PTPRN2: variants seen among roughly 807,000 people sequenced by gnomAD.
PTPRN2 encodes the protein protein tyrosine phosphatase receptor type N2, also known as receptor-type tyrosine-protein phosphatase N2.
PTPRN2 carries 74 observed loss-of-function variants against 118.8 expected under a neutral mutation model. That is an observed-to-expected ratio of 0.62 (90% CI 0.52 to 0.76). The LOEUF (loss-of-function observed/expected upper bound fraction) is 0.76. Ranked by LOEUF, PTPRN2 falls within the 30% of genes least tolerant of loss-of-function variation. The pLI, the probability that PTPRN2 is intolerant of heterozygous loss-of-function variation, is 0.00. For synonymous variants in PTPRN2, 641 were observed against 608.0 expected, an observed-to-expected ratio of 1.05 and a Z score of -0.80; for missense variants, 1,481 against 1,394.4, an observed-to-expected ratio of 1.06 and a Z score of -0.99.
At chr7:157,985,026 G>C (rs1803666730) in intron 11 of PTPRN2, among the ~76,000 whole-genome samples, 1 of 152,126 alleles carries the variant, frequency 6.6e-6, no homozygotes, top group African/African-American at 2.4e-5. Context: ...TGCAGGTGGT[G>C]GTCTCTAGCA....
chr7:158,566,262 G>A (rs1324696344), intron 1 of PTPRN2, among the ~76,000 whole-genome samples: 6 of 151,952 alleles, frequency 3.9e-5, no homozygotes, highest in Admixed American at 2.6e-4. Flanking sequence ...ACTGAGGCAG[G>A]AGAATTGCTT....
chr7:158,553,403 C>T (rs1280712346), intron 1 of PTPRN2, among the ~76,000 whole-genome samples: 3 of 150,222 alleles, frequency 2.0e-5, no homozygotes, highest in African/African-American at 7.4e-5. Flanking sequence ...CCAGCCTCCC[C>T]TTATACACAC....
chr7:157,623,879 A>AT (rs1011265497), intron 14 of PTPRN2, among the ~76,000 whole-genome samples: 11 of 152,164 alleles, frequency 7.2e-5, no homozygotes, highest in African/African-American at 2.7e-4. Context: ...TTCTATCAAT[A>AT]TTTTTTATGA....
chr7:158,048,067 T>C lies in PTPRN2; in HGVS notation c.1723+33231A>G, dbSNP rs980077400. Among the ~76,000 whole-genome samples the C allele has an allele frequency of 3.9e-5, 6 of 152,172 alleles. No homozygotes were observed. The South Asian group carries it at 8.3e-4, about 21-fold the overall frequency. On this transcript the variant is annotated intron_variant, in intron 11 of 22. Transcript: ENST00000389418. ...ATCGAAGGTGGCCAAGAATGGTGCA[T>C]ACACACTTTCTTCTAAGGACACTTT...
chr7:157,705,178 C>A (rs779079001), intron 12 of PTPRN2, among the ~76,000 whole-genome samples: 1 of 152,114 alleles, frequency 6.6e-6, no homozygotes, highest in Non-Finnish European at 1.5e-5. Flanking sequence ...TGGTGGCATG[C>A]GCCTGTAGTC....
intron 3 of PTPRN2, among the ~76,000 whole-genome samples, chr7:158,259,125 G>A (rs1267071862): frequency 6.6e-6 from 1 of 152,216 alleles, no homozygotes; most frequent in East Asian, 1.9e-4. Context: ...TCTCTTGAGT[G>A]AGAGCTCAGT....
intron 21 of PTPRN2, among the ~76,000 whole-genome samples, chr7:157,566,227 G>T (rs1333519044): frequency 6.6e-6 from 1 of 152,250 alleles, no homozygotes; most frequent in African/African-American, 2.4e-5. Context: ...GGGAAGCTTG[G>T]GAAGGGCATT....
At chr7:158,086,658 G>T (rs1165477728) in intron 10 of PTPRN2, among the ~76,000 whole-genome samples, 1 of 152,182 alleles carries the variant, frequency 6.6e-6, no homozygotes, top group African/African-American at 2.4e-5. Context: ...GAGGAGCCTT[G>T]TTTTACAGTA....
chr7:158,377,891 A>C (rs369085771), intron 2 of PTPRN2, among the ~76,000 whole-genome samples: 30 of 152,296 alleles, frequency 2.0e-4, no homozygotes, highest in African/African-American at 7.0e-4. Context: ...GCCCGTGGCT[A>C]CAACACAGAC....
chr7:157,952,611 A>C (rs1800908321), intron 11 of PTPRN2, among the ~76,000 whole-genome samples: 1 of 151,980 alleles, frequency 6.6e-6, no homozygotes, highest in Non-Finnish European at 1.5e-5. Flanking sequence ...CCATCATCTC[A>C]TCTCACGCCA....
chr7:157,831,739 C>A lies in PTPRN2; in HGVS notation c.1788+66934G>T, dbSNP rs1045811277. ...AGGTATAGGCTGCCGTCTCCCTCCCCCAGGCAGCTGGGGCTGTCCTCACAC... is the reference window on the plus strand; with the variant it reads ...AGGTATAGGCTGCCGTCTCCCTCCCACAGGCAGCTGGGGCTGTCCTCACAC... On this transcript the variant is annotated intron_variant, in intron 12 of 22. Coordinates refer to ENST00000389418, the MANE Select transcript of PTPRN2 (RefSeq NM_002847.5). This position sits in a 1 kb window ranked among gnomAD's most constrained non-coding sequence, Gnocchi z 4.8. Among the ~76,000 whole-genome samples the A allele has an allele frequency of 4.6e-5, 7 of 152,246 alleles. No homozygotes were observed. Among genetic ancestry groups the A allele is most frequent in the African/African-American group, 1.7e-4 (7 of 41,470 alleles).
intron 2 of PTPRN2, among the ~76,000 whole-genome samples, chr7:158,395,338 C>A (rs1269871958): frequency 3.8e-4 from 9 of 23,470 alleles, no homozygotes; most frequent in South Asian, 2.1e-3. Context: ...AGGGGCGAGG[C>A]GCGAGGGGCC....
At chr7:158,163,359 G>C (rs112733701) in intron 6 of PTPRN2, among the ~76,000 whole-genome samples, 5 of 148,964 alleles carry the variant, frequency 3.4e-5, no homozygotes, top group African/African-American at 1.3e-4. Flanking sequence ...ACGCCTGTAC[G>C]GGGTTCTCAA....
chr7:158,365,390 C>T (rs1221020501), intron 2 of PTPRN2, among the ~76,000 whole-genome samples: 1 of 152,292 alleles, frequency 6.6e-6, no homozygotes, highest in East Asian at 1.9e-4. Flanking sequence ...CTTCCTCACC[C>T]CTCCCTTCCC....
intron 11 of PTPRN2, among the ~76,000 whole-genome samples, chr7:157,991,184 T>C (rs987998954): frequency 2.6e-5 from 4 of 152,164 alleles, no homozygotes; most frequent in African/African-American, 9.7e-5. Context: ...GGCAACAGGC[T>C]GGGGCATGAC....
At chr7:157,586,073 A>C (rs1167182366) in intron 17 of PTPRN2, among the ~76,000 whole-genome samples, 1 of 152,238 alleles carries the variant, frequency 6.6e-6, no homozygotes, top group Non-Finnish European at 1.5e-5. Context: ...AAAAAAATCC[A>C]GCAAGACCAA....
At position 157,929,901 on chromosome 7, in the gene PTPRN2, G is replaced by A. The variant is rs1398262938; in HGVS notation, c.1724-31164C>T. Among the ~76,000 whole-genome samples the A allele has an allele frequency of 1.3e-5, 2 of 152,178 alleles. No individual in the cohort carries two copies. Among genetic ancestry groups the A allele is most frequent in the African/African-American group, 2.4e-5 (1 of 41,438 alleles). ...TGAAGGCAGCCCCCACCAACGCGCT[G>A]GCTGCCTTGGGGCCAGGCATGAAGC... On this transcript the variant is annotated intron_variant, in intron 11 of 22. Transcript: ENST00000389418. The surrounding 1 kb of genome is among the most constrained non-coding windows in gnomAD (Gnocchi z 4.4).
intron 3 of PTPRN2, among the ~76,000 whole-genome samples, chr7:158,305,642 G>C (rs553879671): frequency 6.6e-6 from 1 of 152,294 alleles, no homozygotes; most frequent in East Asian, 1.9e-4. Context: ...GCCTTAGGAA[G>C]TAGCTGTAGA....
chr7:158,157,163 A>C (rs1328487063), intron 6 of PTPRN2, among the ~76,000 whole-genome samples: 2 of 152,180 alleles, frequency 1.3e-5, no homozygotes, highest in Non-Finnish European at 2.9e-5. Context: ...TTGTGCTAAC[A>C]CAGCAGAGAG....
Sources: gnomAD v4.1 joint callset for allele counts (sites outside exome capture counted in the v4.1 genomes callset) on GRCh38, gnomAD v4.1.1 for gene constraint, Gnocchi (gnomAD v3.1) non-coding constraint, MANE v1.5 for transcripts, NCBI Gene and HGNC (gene_info 2026-07-23, HGNC 2026-07-21) for gene names.